PIP4P2: variants seen among roughly 807,000 people sequenced by gnomAD.
PIP4P2 encodes the protein phosphatidylinositol-4,5-bisphosphate 4-phosphatase 2.
PIP4P2 carries 19 observed loss-of-function variants against 33.3 expected under a neutral mutation model. The ratio of observed to expected loss-of-function variants is 0.57; its 90% CI spans 0.40 to 0.84. PIP4P2 has a LOEUF of 0.84. Among genes scored for constraint, PIP4P2 ranks in the 40% least tolerant of loss-of-function variants. PIP4P2 has a pLI of 0.00. For missense variants in PIP4P2, 270 were observed against 324.7 expected, an observed-to-expected ratio of 0.83 and a Z score of 1.29; for synonymous variants, 110 against 111.9, an observed-to-expected ratio of 0.98 and a Z score of 0.11.
At chr8:91,018,198 G>T (rs1358356982) in intron 4 of PIP4P2, among the ~76,000 whole-genome samples, 192 bp downstream of exon 4, 8 of 152,128 alleles carry the variant, frequency 5.3e-5, no homozygotes, top group African/African-American at 1.9e-4. Context: ...ATCAGAGGAC[G>T]TACCTTTTAT....
chr8:91,020,030 C>A, intron 3 of PIP4P2, 127 bp downstream of exon 3: 1 of 831,966 alleles, frequency 1.2e-6, no homozygotes, highest in Non-Finnish European at 1.9e-6. Flanking sequence ...AAAAAATAAT[C>A]TAGATTCTGG....
At chr8:91,011,746 A>G (rs1811840230) in intron 4 of PIP4P2, among the ~76,000 whole-genome samples, 1 of 152,014 alleles carries the variant, frequency 6.6e-6, no homozygotes, top group Non-Finnish European at 1.5e-5. Flanking sequence ...GGTCCCAGCT[A>G]GGCTGTGGTA....
At chr8:91,034,329 GAAT>G (rs1187576029) in intron 1 of PIP4P2, among the ~76,000 whole-genome samples, 2 of 152,098 alleles carry the variant, frequency 1.3e-5, no homozygotes, top group African/African-American at 2.4e-5. Flanking sequence ...TTATAAAACA[GAAT>G]ATAAGAATCC....
chr8:91,020,274 G>T lies in PIP4P2; in HGVS notation c.256-11C>A. 1 of 1,612,508 alleles carries T rather than the reference G, an allele frequency of 6.2e-7. No homozygotes were observed. Among genetic ancestry groups the T allele is most frequent in the Non-Finnish European group, 8.5e-7 (1 of 1,178,780 alleles). ...GGGGTTTTTGATTGGCTGGATAAGG[G>T]AAGAAAATGCAAACACAGCAATTAA... On this transcript the variant is annotated splice_polypyrimidine_tract_variant and intron_variant, in intron 2 of 6. Coordinates refer to ENST00000285419, the MANE Select transcript of PIP4P2 (RefSeq NM_018710.3).
intron 3 of PIP4P2, 133 bp from the exon 4 acceptor site, chr8:91,018,646 G>A: frequency 7.3e-7 from 1 of 1,363,442 alleles, no homozygotes; most frequent in Non-Finnish European, 9.9e-7. Flanking sequence ...TCAAGCTGGA[G>A]GCAAAACTAC....
At chr8:91,034,247 G>T (rs1423681766) in intron 1 of PIP4P2, among the ~76,000 whole-genome samples, 2 of 152,122 alleles carry the variant, frequency 1.3e-5, no homozygotes, top group Non-Finnish European at 1.5e-5. Context: ...TCAAATATTT[G>T]AAAGGATGAC....
Position 91,020,185 on chromosome 8 carries a change from G to C in PIP4P2, c.334C>G (p.Arg112Gly). ...NCLLICKDTS[R>G]RIGCPRPNCR... is the part of the protein sequence containing the mutation. ...TTGGGTCTTGGGCATCCTATTCGCC[G>C]AGATGTGTCCTTACAAATGAGAAGA... Residue 112 changes from arginine (R) to glycine (G), a missense_variant, in exon 3 of 7, where the codon CGG becomes GGG. Arg to Gly is a moderately radical substitution (Grantham distance 125). Coordinates refer to ENST00000285419, the MANE Select transcript of PIP4P2 (RefSeq NM_018710.3). 6.2e-7 allele frequency: 1 copy of C among 1,613,698 alleles called. No individual in the cohort carries two copies. Among genetic ancestry groups the C allele is most frequent in the Non-Finnish European group, 8.5e-7 (1 of 1,179,760 alleles).
At chr8:91,019,004 A>G (rs758932070) in intron 3 of PIP4P2, among the ~76,000 whole-genome samples, 3 of 152,100 alleles carry the variant, frequency 2.0e-5, no homozygotes, top group Non-Finnish European at 4.4e-5. Context: ...TTTCATTTCT[A>G]TTCTCTAGTC....
chr8:91,024,289 C>T, intron 1 of PIP4P2: 3 of 430,658 alleles, frequency 7.0e-6, no homozygotes, highest in East Asian at 7.2e-5. Flanking sequence ...CAGATTTTAC[C>T]TCAAGGAAAC....
intron 1 of PIP4P2, among the ~76,000 whole-genome samples, chr8:91,022,737 T>C (rs1253491043): frequency 6.6e-6 from 1 of 152,220 alleles, no homozygotes; most frequent in African/African-American, 2.4e-5. Flanking sequence ...AAAATACACA[T>C]ATTTCTACCT....
intron 1 of PIP4P2, among the ~76,000 whole-genome samples, chr8:91,024,074 G>C (rs1812048839): frequency 6.6e-6 from 1 of 152,076 alleles, no homozygotes; most frequent in African/African-American, 2.4e-5. Flanking sequence ...TGCACTGAGA[G>C]AGGTGAAGTA....
chr8:91,012,574 C>T (rs1195923072), intron 4 of PIP4P2, among the ~76,000 whole-genome samples: 1 of 152,100 alleles, frequency 6.6e-6, no homozygotes, highest in African/African-American at 2.4e-5. Flanking sequence ...CCCTAATCAA[C>T]AAAAACTTCC....
At chr8:90,998,237 C>T (rs7005565) in intron 5 of PIP4P2, among the ~76,000 whole-genome samples, 110,810 of 151,952 alleles carry the variant, frequency 0.73, 41,351 homozygotes, top group African/African-American at 0.83. Context: ...AAATTATGTA[C>T]TGAATAAGTC....
intron 1 of PIP4P2, among the ~76,000 whole-genome samples, chr8:91,032,998 C>T (rs1391029841): frequency 6.6e-6 from 1 of 152,062 alleles, no homozygotes; most frequent in Non-Finnish European, 1.5e-5. Flanking sequence ...ATGCATTTGG[C>T]AAACCTTCCA....
intron 4 of PIP4P2, chr8:91,016,642 A>G (rs752736774): frequency 5.9e-5 from 9 of 152,194 alleles, no homozygotes; most frequent in Non-Finnish European, 1.2e-4. Flanking sequence ...ATTTCCCTGC[A>G]TCTTTTCTCA....
chr8:91,031,188 A>G (rs1483382695), intron 1 of PIP4P2, among the ~76,000 whole-genome samples: 1 of 152,220 alleles, frequency 6.6e-6, no homozygotes, highest in African/African-American at 2.4e-5. Context: ...TTATATAGAG[A>G]ACTAGAACAT....
chr8:91,016,989 T>C (rs561021611), intron 4 of PIP4P2, among the ~76,000 whole-genome samples: 16 of 152,212 alleles, frequency 1.1e-4, no homozygotes, highest in South Asian at 2.1e-4. Flanking sequence ...GGTTCAGCTG[T>C]GAACAAAATT....
intron 4 of PIP4P2, among the ~76,000 whole-genome samples, chr8:91,013,699 T>A (rs940413784): frequency 1.3e-5 from 2 of 152,100 alleles, no homozygotes; most frequent in Non-Finnish European, 2.9e-5. Flanking sequence ...TACCCCTGGC[T>A]AATTTTTAAA....
In PIP4P2 at chr8:90,996,682, A is replaced by G. The variant is rs377663993; in HGVS notation, c.602T>C (p.Ile201Thr). The change falls in exon 6 of 7, where the codon ATA (isoleucine) becomes ACA (threonine). Residue 201 changes from isoleucine (I) to threonine (T), a missense_variant. By Grantham distance (89) the Ile-to-Thr change is moderately conservative. Transcript: ENST00000285419. ...RCCAYITIGMICIFIGVGLTV... is the reference protein window; with the variant it reads ...RCCAYITIGMTCIFIGVGLTV... ...TAACCCAACTCCAATGAAAATACATATCATTCCAATGGTAATATATGCACA... is the reference window on the plus strand; with the variant it reads ...TAACCCAACTCCAATGAAAATACATGTCATTCCAATGGTAATATATGCACA... 1 of 1,609,940 alleles carries G rather than the reference A, an allele frequency of 6.2e-7. No individual in the cohort carries two copies. The highest frequency in any genetic ancestry group is 1.3e-5 in the African/African-American group (1 of 74,888).
Sources: allele counts gnomAD v4.1 joint callset (sites outside exome capture counted in the v4.1 genomes callset), GRCh38; gene constraint gnomAD v4.1.1; transcripts MANE v1.5; gene names NCBI Gene and HGNC (gene_info 2026-07-23, HGNC 2026-07-21).